The following PDGFD variants were observed in gnomAD, a reference collection of about 807,000 sequenced individuals.
PDGFD encodes platelet-derived growth factor D.
In PDGFD, 30 loss-of-function variants were observed where a neutral mutation model predicts 44.7. The ratio of observed to expected loss-of-function variants is 0.67; its 90% CI spans 0.50 to 0.91. The LOEUF is 0.91. Among genes scored for constraint, PDGFD ranks in the 40% least tolerant of loss-of-function variants. PDGFD has a pLI of 0.00. For missense variants in PDGFD, 445 were observed against 457.8 expected (o/e 0.97, Z 0.25); for synonymous variants, 173 against 168.4 (o/e 1.03, Z -0.21).
intron 1 of PDGFD, among the ~76,000 whole-genome samples, chr11:104,087,388 T>C (rs1861147742): frequency 6.6e-6 from 1 of 151,922 alleles, no homozygotes; most frequent in Non-Finnish European, 1.5e-5. Context: ...TTTGTAGTTT[T>C]AGTAGAGACA....
intron 6 of PDGFD, among the ~76,000 whole-genome samples, chr11:103,913,467 C>A (rs986190947): frequency 4.1e-4 from 62 of 152,244 alleles, no homozygotes; most frequent in African/African-American, 1.5e-3. Context: ...AACAAAGACA[C>A]AATGTACCAG....
intron 1 of PDGFD, among the ~76,000 whole-genome samples, chr11:104,101,580 A>C (rs530833930): frequency 2.2e-4 from 34 of 152,314 alleles, no homozygotes; most frequent in Non-Finnish European, 4.0e-4. Flanking sequence ...AAACTACTTT[A>C]AAGTTCATAT....
intron 1 of PDGFD, among the ~76,000 whole-genome samples, chr11:104,050,078 G>A (rs1354848222): frequency 6.6e-6 from 1 of 152,124 alleles, no homozygotes; most frequent in African/African-American, 2.4e-5. Context: ...GTTCAGTATG[G>A]GTTATACGTT....
At chr11:103,909,997 T>C (rs1470110539) in intron 6 of PDGFD, among the ~76,000 whole-genome samples, 178 bp from the exon 7 acceptor site, 1 of 152,198 alleles carries the variant, frequency 6.6e-6, no homozygotes, top group Non-Finnish European at 1.5e-5. Flanking sequence ...TTTCAAATAA[T>C]TGACTCCCTG....
At chr11:103,965,977 G>A (rs11226094) in intron 3 of PDGFD, among the ~76,000 whole-genome samples, 27,042 of 152,136 alleles carry the variant, frequency 0.18, 2,434 homozygotes, top group Middle Eastern at 0.23. Flanking sequence ...GGCACTGGGG[G>A]CCCCTGCCTT....
In PDGFD at chr11:104,119,562, T is replaced by C. The variant is rs1591174535; in HGVS notation, c.124+44242A>G. On this transcript the variant is annotated intron_variant, in intron 1 of 6. Transcript: ENST00000393158. ...TATAATATAATATATTGATATAATA[T>C]ATAATATATTAATATAATATATTGA... 2.2e-4 allele frequency among the ~76,000 whole-genome samples: 16 copies of C among 73,668 alleles called. 1 individual carries two copies. The South Asian group carries it at 6.8e-3, about 31-fold the overall frequency. 48.3% of individuals were successfully genotyped at this position (73,668 alleles called of 152,430 possible). A position where few individuals can be genotyped will look rare whatever the true frequency, so the allele number is the denominator to read the frequency against.
At chr11:104,065,755 CT>C (rs1322100274) in intron 1 of PDGFD, among the ~76,000 whole-genome samples, 1 of 152,074 alleles carries the variant, frequency 6.6e-6, no homozygotes, top group African/African-American at 2.4e-5. Flanking sequence ...AAAAACTGCC[CT>C]TGAATCGTTT....
At chr11:103,928,318 A>C (rs1858348723) in intron 5 of PDGFD, among the ~76,000 whole-genome samples, 1 of 152,174 alleles carries the variant, frequency 6.6e-6, no homozygotes, top group African/African-American at 2.4e-5. Context: ...CCCTTTCCCA[A>C]TGCACGCCCT....
At chr11:104,124,651 C>A (rs1262202063) in intron 1 of PDGFD, among the ~76,000 whole-genome samples, 1 of 152,010 alleles carries the variant, frequency 6.6e-6, no homozygotes, top group Non-Finnish European at 1.5e-5. Context: ...AAAGTTTTGA[C>A]AAGCAAATGT....
At chr11:104,034,767 C>T (rs1002998066) in intron 1 of PDGFD, among the ~76,000 whole-genome samples, 9 of 152,014 alleles carry the variant, frequency 5.9e-5, no homozygotes, top group South Asian at 4.2e-4. Context: ...CTCAGCCTCC[C>T]GAGTAGCTGG....
intron 1 of PDGFD, among the ~76,000 whole-genome samples, chr11:104,027,751 A>T (rs749733715): frequency 6.6e-6 from 1 of 152,252 alleles, no homozygotes; most frequent in Admixed American, 6.5e-5. Context: ...ATAGAATAAC[A>T]TACATTGATT....
chr11:104,061,053 C>A (rs1263371720), intron 1 of PDGFD, among the ~76,000 whole-genome samples: 1 of 152,092 alleles, frequency 6.6e-6, no homozygotes, highest in Non-Finnish European at 1.5e-5. Context: ...CTTTCTCCGT[C>A]TATGAATTTG....
chr11:104,028,368 A>G (rs1860077408), intron 1 of PDGFD, among the ~76,000 whole-genome samples: 1 of 151,582 alleles, frequency 6.6e-6, no homozygotes, highest in African/African-American at 2.4e-5. Flanking sequence ...TAAATTTGCT[A>G]TATCCATCCC....
chr11:104,136,482 A>C (rs1295847335), intron 1 of PDGFD, among the ~76,000 whole-genome samples: 2 of 152,232 alleles, frequency 1.3e-5, no homozygotes, highest in Non-Finnish European at 2.9e-5. Context: ...ATGCCAATTA[A>C]AGAAAATAAG....
Position 103,909,159 on chromosome 11 carries a change from T to C in PDGFD, c.*535A>G, listed in dbSNP as rs1258248682. The stretch of plus-strand genomic sequence containing the variant: ...AACCATATTTTTCCTTTTTTAATAA[T>C]CAACTAAGATGTATATGTAAGAAAG... On this transcript the variant is annotated 3_prime_UTR_variant, in exon 7 of 7. Transcript: ENST00000393158. 2 of 152,416 alleles carry C rather than the reference T, an allele frequency of 1.3e-5. No individual in the cohort carries two copies. Among genetic ancestry groups the C allele is most frequent in the Non-Finnish European group, 2.9e-5 (2 of 68,190 alleles). 9.4% of individuals were successfully genotyped at this position (152,416 alleles called of 1,614,324 possible).
At chr11:103,964,689 T>G (rs1162094644) in intron 3 of PDGFD, among the ~76,000 whole-genome samples, 1 of 152,010 alleles carries the variant, frequency 6.6e-6, no homozygotes, top group African/African-American at 2.4e-5. Flanking sequence ...ATGGATCATT[T>G]GGGAGGGCTG....
At chr11:104,133,170 T>C (rs1009676710) in intron 1 of PDGFD, among the ~76,000 whole-genome samples, 1 of 152,114 alleles carries the variant, frequency 6.6e-6, no homozygotes. Context: ...GGTACTCAAA[T>C]ATTTGTTAAA....
chr11:104,143,877 T>C (rs1468825192), intron 1 of PDGFD, among the ~76,000 whole-genome samples: 1 of 152,254 alleles, frequency 6.6e-6, no homozygotes, highest in South Asian at 2.1e-4. Flanking sequence ...GTTAAGATTA[T>C]TTAAGGCAGC....
intron 3 of PDGFD, among the ~76,000 whole-genome samples, chr11:103,962,832 T>C (rs1487916): frequency 0.51 from 77,813 of 151,942 alleles, 21,896 homozygotes; most frequent in African/African-American, 0.76. Flanking sequence ...ACTATCTGGC[T>C]CAGGTAGACA....
Sources: allele counts gnomAD v4.1 joint callset (sites outside exome capture counted in the v4.1 genomes callset), GRCh38; gene constraint gnomAD v4.1.1; transcripts MANE v1.5; gene names NCBI Gene and HGNC (gene_info 2026-07-23, HGNC 2026-07-21).